The following SH3GL2 variants were observed in gnomAD, a reference collection of about 807,000 sequenced individuals.
SH3GL2 encodes the protein endophilin-A1.
SH3GL2 carries 24 observed loss-of-function variants against 46.0 expected under a neutral mutation model. The observed-to-expected ratio is 0.52, with a 90% confidence interval of 0.38 to 0.73. The LOEUF is 0.73. Among genes scored for constraint, SH3GL2 ranks in the 30% least tolerant of loss-of-function variants. The pLI is 0.00. For synonymous variants in SH3GL2, 196 were observed against 147.1 expected, an observed-to-expected ratio of 1.33 and a Z score of -2.40; for missense variants, 413 against 424.2, an observed-to-expected ratio of 0.97 and a Z score of 0.23.
chr9:17,723,990 T>A (rs1020172921), intron 1 of SH3GL2, among the ~76,000 whole-genome samples: 2 of 152,156 alleles, frequency 1.3e-5, no homozygotes. Context: ...GTACTTGTAA[T>A]TCATTGAGCT....
intron 1 of SH3GL2, among the ~76,000 whole-genome samples, chr9:17,695,949 A>C (rs2118164803): frequency 6.6e-6 from 1 of 152,236 alleles, no homozygotes; most frequent in South Asian, 2.1e-4. Context: ...AGGCATCTTG[A>C]CATGATGGGA....
chr9:17,666,526 C>T (rs997307069), intron 1 of SH3GL2, among the ~76,000 whole-genome samples: 1 of 149,180 alleles, frequency 6.7e-6, no homozygotes, highest in African/African-American at 2.5e-5. Context: ...TTTTCCCACT[C>T]TTTCATACAC....
chr9:17,597,113 C>T (rs1818585721), intron 1 of SH3GL2, among the ~76,000 whole-genome samples: 1 of 152,224 alleles, frequency 6.6e-6, no homozygotes, highest in African/African-American at 2.4e-5. Flanking sequence ...GAGACTGCTT[C>T]AAGAGATTTG....
At chr9:17,672,951 C>T (rs1381721559) in intron 1 of SH3GL2, among the ~76,000 whole-genome samples, 3 of 152,130 alleles carry the variant, frequency 2.0e-5, no homozygotes, top group Admixed American at 6.5e-5. Context: ...CTGTCTTCTC[C>T]TCCAGAGAAG....
At chr9:17,757,259 C>T (rs566210929) in intron 2 of SH3GL2, among the ~76,000 whole-genome samples, 2 of 152,324 alleles carry the variant, frequency 1.3e-5, no homozygotes, top group African/African-American at 4.8e-5. Context: ...CATTAGACTT[C>T]ATGTCTAAAA....
chr9:17,638,143 C>T (rs368145018), intron 1 of SH3GL2, among the ~76,000 whole-genome samples: 4 of 146,632 alleles, frequency 2.7e-5, no homozygotes, highest in Non-Finnish European at 4.5e-5. Flanking sequence ...GGCGACAGAG[C>T]GAGACTCCCT....
At chr9:17,610,818 C>G (rs1356110874) in intron 1 of SH3GL2, among the ~76,000 whole-genome samples, 1 of 151,980 alleles carries the variant, frequency 6.6e-6, no homozygotes, top group African/African-American at 2.4e-5. Context: ...AGGGCAGTGC[C>G]CCCTCAAAAT....
chr9:17,679,842 C>G (rs904345575), intron 1 of SH3GL2, among the ~76,000 whole-genome samples: 1 of 152,070 alleles, frequency 6.6e-6, no homozygotes, highest in East Asian at 1.9e-4. Context: ...GCATGAAGGG[C>G]TGTTGAATTT....
At chr9:17,777,930 C>T (rs1823689791) in intron 3 of SH3GL2, among the ~76,000 whole-genome samples, 1 of 151,968 alleles carries the variant, frequency 6.6e-6, no homozygotes, top group Non-Finnish European at 1.5e-5. Context: ...GGGCTCTCAT[C>T]CCTATCTTTA....
At chr9:17,681,143 A>G (rs1305910549) in intron 1 of SH3GL2, among the ~76,000 whole-genome samples, 16 of 152,168 alleles carry the variant, frequency 1.1e-4, no homozygotes, top group African/African-American at 3.6e-4. Flanking sequence ...AAAAGGGGCT[A>G]TATTAAAATG....
intron 8 of SH3GL2, among the ~76,000 whole-genome samples, chr9:17,793,972 G>A (rs934560653): frequency 1.3e-5 from 2 of 152,212 alleles, no homozygotes; most frequent in Non-Finnish European, 2.9e-5. Flanking sequence ...TGGATTTCTT[G>A]AGTCACAGAA....
At chr9:17,630,295 T>G (rs1255241817) in intron 1 of SH3GL2, 1 of 152,188 alleles carries the variant, frequency 6.6e-6, no homozygotes, top group Non-Finnish European at 1.5e-5. Context: ...AATAATAAGG[T>G]GATGAAAATA....
At chr9:17,657,177 T>A (rs1476448525) in intron 1 of SH3GL2, among the ~76,000 whole-genome samples, 1 of 152,224 alleles carries the variant, frequency 6.6e-6, no homozygotes, top group Non-Finnish European at 1.5e-5. Flanking sequence ...TGCCTGCTAG[T>A]TAGTTGCCAG....
At chr9:17,636,781 T>C (rs1169044571) in intron 1 of SH3GL2, among the ~76,000 whole-genome samples, 1 of 152,202 alleles carries the variant, frequency 6.6e-6, no homozygotes, top group Non-Finnish European at 1.5e-5. Context: ...TAGTCCTTGG[T>C]TTAGTCTTTA....
At chr9:17,736,065 C>G (rs545226311) in intron 1 of SH3GL2, among the ~76,000 whole-genome samples, 3 of 152,010 alleles carry the variant, frequency 2.0e-5, no homozygotes, top group Non-Finnish European at 2.9e-5. Context: ...GCAGACCTCA[C>G]GGCATAGGGT....
At chr9:17,714,144 A>C (rs1017757710) in intron 1 of SH3GL2, among the ~76,000 whole-genome samples, 1 of 151,700 alleles carries the variant, frequency 6.6e-6, no homozygotes, top group African/African-American at 2.4e-5. Context: ...GATCCCTAGA[A>C]ATAGTCCTTA....
intron 1 of SH3GL2, among the ~76,000 whole-genome samples, chr9:17,712,290 G>A (rs1386623781): frequency 6.6e-6 from 1 of 151,498 alleles, no homozygotes; most frequent in Non-Finnish European, 1.5e-5. Context: ...TGTCTTCTGG[G>A]GAGCAGAATA....
In SH3GL2 at chr9:17,599,715, A is replaced by G. The variant is rs373332793; in HGVS notation, c.45+20428A>G. Among the ~76,000 whole-genome samples the G allele has an allele frequency of 1.2e-3, 190 of 152,204 alleles. 4 individuals carry two copies. In the South Asian group the frequency reaches 0.035, roughly 28 times the overall value. Reference sequence around the variant, plus strand: ...TTCTAGCCAGGCATTTGTAGCATGAACCCATATGTAAAATTGTGGGTGTGG... The same window carrying G: ...TTCTAGCCAGGCATTTGTAGCATGAGCCCATATGTAAAATTGTGGGTGTGG... On this transcript the variant is annotated intron_variant, in intron 1 of 8. Transcript: ENST00000380607.
chr9:17,782,600 T>C (rs1383078662), intron 3 of SH3GL2, among the ~76,000 whole-genome samples: 1 of 152,130 alleles, frequency 6.6e-6, no homozygotes, highest in Non-Finnish European at 1.5e-5. Context: ...CAAGGAGACC[T>C]GCTCTCAAAC....
Sources: gnomAD v4.1 joint callset for allele counts (sites outside exome capture counted in the v4.1 genomes callset) on GRCh38, gnomAD v4.1.1 for gene constraint, MANE v1.5 for transcripts, NCBI Gene and HGNC (gene_info 2026-07-23, HGNC 2026-07-21) for gene names.